CTNNA3: variants seen among roughly 807,000 people sequenced by gnomAD.
The protein encoded by CTNNA3 is catenin alpha-3.
CTNNA3 carries 76 observed loss-of-function variants against 95.7 expected under a neutral mutation model. That is an observed-to-expected ratio of 0.79 (90% CI 0.66 to 0.96). The LOEUF is 0.96. Among genes scored for constraint, CTNNA3 ranks in the 40% least tolerant of loss-of-function variants. The pLI is 0.00. For synonymous variants in CTNNA3, 431 were observed against 374.4 expected, an observed-to-expected ratio of 1.15 and a Z score of -1.74; for missense variants, 1,191 against 1,089.8, an observed-to-expected ratio of 1.09 and a Z score of -1.31.
At chr10:66,209,459 T>C (rs907404719) in intron 13 of CTNNA3, among the ~76,000 whole-genome samples, 1 of 152,152 alleles carries the variant, frequency 6.6e-6, no homozygotes, top group African/African-American at 2.4e-5. Context: ...GGAAAAGAGT[T>C]GAAGGTGAGA....
chr10:67,553,714 T>C (rs1328905129), intron 3 of CTNNA3, among the ~76,000 whole-genome samples: 3 of 152,020 alleles, frequency 2.0e-5, no homozygotes, highest in Admixed American at 6.6e-5. Context: ...ACAATAGAAA[T>C]GAATTATATT....
chr10:66,207,682 GA>G (rs2087849490), intron 13 of CTNNA3, among the ~76,000 whole-genome samples: 2 of 152,000 alleles, frequency 1.3e-5, no homozygotes, highest in Admixed American at 1.3e-4. Context: ...GCAGAAGTGA[GA>G]AAAGGAGTAG....
chr10:66,220,789 GTCAAGCTGCTTCTCACCAACA>G (rs2088885055), intron 13 of CTNNA3, among the ~76,000 whole-genome samples: 1 of 152,160 alleles, frequency 6.6e-6, no homozygotes, highest in Non-Finnish European at 1.5e-5. Flanking sequence ...TCCCTCTGAA[GTCAAGCTGCTTCTCACCAACA>G]TCAAGCTGCT....
intron 7 of CTNNA3, among the ~76,000 whole-genome samples, chr10:67,116,821 A>G (rs1859215274): frequency 6.6e-6 from 1 of 150,812 alleles, no homozygotes; most frequent in East Asian, 1.9e-4. Flanking sequence ...AAAATTAAAA[A>G]TTCTATAGCT....
chr10:66,780,017 C>T (rs1311894265), intron 7 of CTNNA3, among the ~76,000 whole-genome samples: 1 of 151,958 alleles, frequency 6.6e-6, no homozygotes, highest in Admixed American at 6.6e-5. Flanking sequence ...TTGAGTATTA[C>T]AGGATATATA....
intron 7 of CTNNA3, among the ~76,000 whole-genome samples, chr10:67,159,791 C>A (rs1346964254): frequency 6.6e-6 from 1 of 152,046 alleles, no homozygotes; most frequent in Admixed American, 6.5e-5. Flanking sequence ...AGGGGAAAAA[C>A]TTCATGACAT....
At chr10:67,252,995 A>G (rs1049855107) in intron 5 of CTNNA3, among the ~76,000 whole-genome samples, 21 of 152,188 alleles carry the variant, frequency 1.4e-4, no homozygotes, top group African/African-American at 5.1e-4. Context: ...ACCATAGAGC[A>G]ACCTCAGCAT....
At chr10:65,937,788 T>C (rs1328604158) in intron 17 of CTNNA3, among the ~76,000 whole-genome samples, 1 of 152,180 alleles carries the variant, frequency 6.6e-6, no homozygotes, top group Non-Finnish European at 1.5e-5. Flanking sequence ...TAAGTAGTGA[T>C]TACATTTTTT....
chr10:67,361,421 C>T (rs1842987090), intron 5 of CTNNA3, among the ~76,000 whole-genome samples: 1 of 152,130 alleles, frequency 6.6e-6, no homozygotes, highest in South Asian at 2.1e-4. Flanking sequence ...ACATACCAAC[C>T]ATACTCTTGG....
At chr10:66,394,063 C>G (rs2092954982) in intron 11 of CTNNA3, among the ~76,000 whole-genome samples, 1 of 151,966 alleles carries the variant, frequency 6.6e-6, no homozygotes, top group African/African-American at 2.4e-5. Context: ...ATTGTTTATG[C>G]TATAGTAATC....
chr10:67,159,366 GGTTTTGT>G (rs1861440878), intron 7 of CTNNA3, among the ~76,000 whole-genome samples: 6 of 152,242 alleles, frequency 3.9e-5, no homozygotes, highest in African/African-American at 1.4e-4. Flanking sequence ...GTGTCTGAGA[GGTTTTGT>G]CTGCGGCTCG....
At chr10:66,671,019 A>G (rs1846640697) in intron 9 of CTNNA3, among the ~76,000 whole-genome samples, 1 of 152,238 alleles carries the variant, frequency 6.6e-6, no homozygotes, top group South Asian at 2.1e-4. Flanking sequence ...GTTTTAAAAC[A>G]GGACTTGGAT....
chr10:67,327,917 T>C (rs1841611037), intron 5 of CTNNA3, among the ~76,000 whole-genome samples: 1 of 151,960 alleles, frequency 6.6e-6, no homozygotes, highest in South Asian at 2.1e-4. Context: ...GGTGTATAGG[T>C]CTCTGTGCCT....
At chr10:66,685,652 A>T (rs10822872) in intron 9 of CTNNA3, among the ~76,000 whole-genome samples, 1 of 150,632 alleles carries the variant, frequency 6.6e-6, no homozygotes, top group African/African-American at 2.4e-5. Context: ...GATTACAGGC[A>T]TGAGACACCG....
At chr10:67,651,674 C>T (rs1377709475) in intron 1 of CTNNA3, among the ~76,000 whole-genome samples, 1 of 151,968 alleles carries the variant, frequency 6.6e-6, no homozygotes, top group African/African-American at 2.4e-5. Flanking sequence ...TTTTTCATTT[C>T]GTCAAAAATA....
At chr10:67,298,877 C>T (rs1257181529) in intron 5 of CTNNA3, among the ~76,000 whole-genome samples, 1 of 152,040 alleles carries the variant, frequency 6.6e-6, no homozygotes, top group East Asian at 1.9e-4. Flanking sequence ...ATCAGCCAAA[C>T]AGTCAAATTA....
At chr10:66,787,116 T>C (rs1408928257) in intron 7 of CTNNA3, among the ~76,000 whole-genome samples, 1 of 152,162 alleles carries the variant, frequency 6.6e-6, no homozygotes, top group Non-Finnish European at 1.5e-5. Flanking sequence ...ACTTAGTGAG[T>C]CAGAGGAGAG....
rs182069826 is a variant in CTNNA3, at chr10:66,597,370, G to A, written c.1374+24322C>T. On this transcript the variant is annotated intron_variant, in intron 10 of 17. Coordinates refer to ENST00000433211, the MANE Select transcript of CTNNA3 (RefSeq NM_013266.4). ...GGACACATTATAATCATATTATTCA[G>A]TGGGACACATTATAATCATATTATT... 2.8e-3 allele frequency among the ~76,000 whole-genome samples: 426 copies of A among 151,260 alleles called. 2 individuals carry two copies. In the Middle Eastern group the frequency reaches 0.038, roughly 13 times the overall value.
chr10:67,447,216 T>C (rs1396600849), intron 5 of CTNNA3, among the ~76,000 whole-genome samples: 1 of 152,272 alleles, frequency 6.6e-6, no homozygotes, highest in Non-Finnish European at 1.5e-5. Flanking sequence ...GTAAGCTATA[T>C]GTGGCAAGTG....
Sources: gnomAD v4.1 joint callset for allele counts (sites outside exome capture counted in the v4.1 genomes callset) on GRCh38, gnomAD v4.1.1 for gene constraint, MANE v1.5 for transcripts, NCBI Gene and HGNC (gene_info 2026-07-23, HGNC 2026-07-21) for gene names.